CD34: variants seen among roughly 807,000 people sequenced by gnomAD.
CD34 encodes the protein hematopoietic progenitor cell antigen CD34.
Under a neutral mutation model 40.1 loss-of-function variants are expected in CD34, and 34 were observed. The ratio of observed to expected loss-of-function variants is 0.85; its 90% CI spans 0.65 to 1.13. The LOEUF (loss-of-function observed/expected upper bound fraction) is 1.13. Ranked by LOEUF, CD34 falls within the 50% of genes most tolerant of loss-of-function variation. The probability of loss-of-function intolerance (pLI) is 0.00; values close to 1 mark genes in which losing one functional copy is unlikely to be tolerated. For missense variants in CD34, 426 were observed against 466.9 expected, an observed-to-expected ratio of 0.91 and a Z score of 0.81; for synonymous variants, 209 against 190.0, an observed-to-expected ratio of 1.10 and a Z score of -0.82.
At position 207,882,669 on chromosome 1, in the gene CD34, C is replaced by T. The variant is rs1269585885; in HGVS notation, c.*5069G>A. 1 of 152,188 alleles carries T rather than the reference C, an allele frequency of 6.6e-6. No individual in the cohort carries two copies. Among genetic ancestry groups the T allele is most frequent in the Non-Finnish European group, 1.5e-5 (1 of 68,038 alleles). 9.4% of individuals were successfully genotyped at this position (152,188 alleles called of 1,614,324 possible). On this transcript the variant is annotated 3_prime_UTR_variant, in exon 8 of 8. Coordinates refer to ENST00000310833, the MANE Select transcript of CD34 (RefSeq NM_001025109.2). ...AGAAGGTATAAAGAAGAATCACATG[C>T]TTTGCTTGAGCCTTAAAAGAATCAC...
rs1662239636 is a variant in CD34, at chr1:207,899,911, A to G, written c.172T>C (p.Tyr58His). Reference protein sequence around the residue: ...TFSNVSTNVSYQETTTPSTLG... With the variant: ...TFSNVSTNVSHQETTTPSTLG... Reference sequence around the variant, plus strand: ...GTACTAGGTGTTGTAGTTTCTTGGTAGGATACATTTGTAGAAACATTTGAA... The same window carrying G: ...GTACTAGGTGTTGTAGTTTCTTGGTGGGATACATTTGTAGAAACATTTGAA... Residue 58 changes from tyrosine to histidine, a missense_variant, in exon 2 of 8, where the codon TAC becomes CAC. Physicochemically the swap from Tyr to His is moderately conservative, Grantham distance 83. Transcript: ENST00000310833. The G allele has an allele frequency of 6.2e-7, 1 of 1,614,074 alleles. No homozygotes were observed. Among genetic ancestry groups the G allele is most frequent in the Non-Finnish European group, 8.5e-7 (1 of 1,179,952 alleles).
intron 3 of CD34, among the ~76,000 whole-genome samples, chr1:207,898,002 C>T (rs1662185293): frequency 6.6e-6 from 1 of 151,918 alleles, no homozygotes; most frequent in African/African-American, 2.4e-5. Context: ...TCCTGGCCTC[C>T]AGGACTCTCC....
Position 207,883,594 on chromosome 1 carries a change from G to A in CD34, c.*4144C>T, listed in dbSNP as rs1271803492. 6.6e-6 allele frequency: 1 copy of A among 152,116 alleles called. No individual in the cohort carries two copies. The highest frequency in any genetic ancestry group is 1.5e-5 in the Non-Finnish European group (1 of 68,028). The allele number at this position is 152,116 out of a possible 1,614,324, so 9.4% of individuals were successfully genotyped here. On this transcript the variant is annotated 3_prime_UTR_variant, in exon 8 of 8. Transcript: ENST00000310833. Reference sequence around the variant, plus strand: ...GTAACACAGTCCCTTGTTATTCTCTGAGTTTCAGTTTCTTTTTCTGAGATA... The same window carrying A: ...GTAACACAGTCCCTTGTTATTCTCTAAGTTTCAGTTTCTTTTTCTGAGATA...
At chr1:207,899,742 G>A (rs1487777359) in intron 2 of CD34, 79 bp downstream of exon 2, 19 of 1,272,818 alleles carry the variant, frequency 1.5e-5, no homozygotes, top group Non-Finnish European at 2.0e-5. Context: ...GGAGAGGGGA[G>A]CGGTCTGAAA....
Position 207,897,559 on chromosome 1 carries a change from A to G in CD34, c.531T>C (p.Cys177=), listed in dbSNP as rs1395180309. 1 of 1,555,340 alleles carries G rather than the reference A, an allele frequency of 6.4e-7. No individual in the cohort carries two copies. Among genetic ancestry groups the G allele is most frequent in the Non-Finnish European group, 8.7e-7 (1 of 1,148,088 alleles). Residue 177 remains cysteine (C), a synonymous_variant, in exon 4 of 8, where the codon TGT becomes TGC. Transcript: ENST00000310833. ...TCAATTTCACTTCTCTGATGCCTGA[A>G]CATTTGATTTCTGCCTGTATTAAAA... The part of the protein sequence containing the change: ...ILSDIKAEIK[C]SGIREVKLTQ...
chr1:207,905,724 T>G (rs1662362831), intron 1 of CD34, among the ~76,000 whole-genome samples: 1 of 152,210 alleles, frequency 6.6e-6, no homozygotes, highest in Admixed American at 6.5e-5. Context: ...AGTGGAAGAT[T>G]CCACACCTGA....
intron 1 of CD34, among the ~76,000 whole-genome samples, chr1:207,903,226 T>A (rs1662312776): frequency 6.6e-6 from 1 of 152,136 alleles, no homozygotes; most frequent in Non-Finnish European, 1.5e-5. Context: ...TGACCACAGA[T>A]CTCTTTTTAT....
chr1:207,902,549 A>G lies in CD34; in HGVS notation c.80-2546T>C, dbSNP rs1883742. 0.016 allele frequency among the ~76,000 whole-genome samples: 2,398 copies of G among 152,218 alleles called. 148 individuals are homozygous for G. In the East Asian group the frequency reaches 0.21, roughly 14 times the overall value. On this transcript the variant is annotated intron_variant, in intron 1 of 7. Transcript: ENST00000310833. ...TATTCAGACACTGAATTAAAGGATC[A>G]CCTTCTCAAGACACCATTCCAAGAC...
rs1471712158 is a variant in CD34 at position 207,884,271 on chromosome 1, C to A, written c.*3467G>T. ...GTAACCACCATATGTAAAATACCAA[C>A]CATTATTCTCAATATATTTTATGTT... On this transcript the variant is annotated 3_prime_UTR_variant, in exon 8 of 8. Coordinates refer to ENST00000310833, the MANE Select transcript of CD34 (RefSeq NM_001025109.2). The A allele has an allele frequency of 6.6e-6, 1 of 152,254 alleles. No homozygotes were observed. The highest frequency in any genetic ancestry group is 1.9e-4 in the East Asian group (1 of 5,204). The allele number at this position is 152,254 out of a possible 1,614,324, so 9.4% of individuals were successfully genotyped here.
intron 6 of CD34, 36 bp downstream of exon 6, chr1:207,889,125 C>G: frequency 8.7e-5 from 111 of 1,283,008 alleles, no homozygotes; most frequent in Non-Finnish European, 1.1e-4. Flanking sequence ...CCTGCCCCGG[C>G]ATTCCCTCTC....
chr1:207,887,706 G>A lies in CD34; in HGVS notation c.*32C>T, dbSNP rs753276797. The A allele has an allele frequency of 5.0e-6, 8 of 1,613,478 alleles. No homozygotes were observed. In the Admixed American group the frequency reaches 1.3e-4, roughly 27 times the overall value. On this transcript the variant is annotated 3_prime_UTR_variant, in exon 8 of 8. Coordinates refer to ENST00000310833, the MANE Select transcript of CD34 (RefSeq NM_001025109.2). ...AGATGCAGAGAGGGGTGCTCTCTCG[G>A]ACACTGCCCAGCCTTGCCCCACCTA... is the stretch of plus-strand genomic sequence containing the variant.
In CD34 at chr1:207,904,326, T is replaced by A. The variant is rs561963685; in HGVS notation, c.80-4323A>T. ...AGGAGTTCCTGGGAATCTTAGTCCA[T>A]AGAGTTACAGAACTAGGATGAAGGG... On this transcript the variant is annotated intron_variant, in intron 1 of 7. Coordinates refer to ENST00000310833, the MANE Select transcript of CD34 (RefSeq NM_001025109.2). Among the ~76,000 whole-genome samples, 3 of 152,282 alleles carry A rather than the reference T, an allele frequency of 2.0e-5. No homozygotes were observed. In the East Asian group the frequency reaches 5.8e-4, roughly 29 times the overall value.
intron 1 of CD34, among the ~76,000 whole-genome samples, chr1:207,901,779 C>T (rs529033287): frequency 2.4e-4 from 36 of 152,290 alleles, no homozygotes; most frequent in Admixed American, 1.8e-3. Flanking sequence ...GTACTCTTGC[C>T]TTGGGCCTTG....
rs1001689252 is a variant in CD34 at position 207,886,324 on chromosome 1, T to G, written c.*1414A>C. 3 of 152,232 alleles carry G rather than the reference T, an allele frequency of 2.0e-5. No homozygotes were observed. Among genetic ancestry groups the G allele is most frequent in the African/African-American group, 7.2e-5 (3 of 41,436 alleles). The allele number at this position is 152,232 out of a possible 1,614,324, so 9.4% of individuals were successfully genotyped here. On this transcript the variant is annotated 3_prime_UTR_variant, in exon 8 of 8. Coordinates refer to ENST00000310833, the MANE Select transcript of CD34 (RefSeq NM_001025109.2). ...ACATTCGGGTCTGCCTTTCTACCAC[T>G]GGAAATGGATGTTTCCTCTCCCCAT...
intron 1 of CD34, among the ~76,000 whole-genome samples, chr1:207,908,520 G>C (rs1189477090): frequency 6.6e-6 from 1 of 152,202 alleles, no homozygotes; most frequent in Admixed American, 6.5e-5. Flanking sequence ...TGTAGCCCTG[G>C]ACAGGATATG....
At chr1:207,904,386 G>A (rs1662337121) in intron 1 of CD34, among the ~76,000 whole-genome samples, 1 of 152,202 alleles carries the variant, frequency 6.6e-6, no homozygotes, top group Admixed American at 6.5e-5. Context: ...AGGCCGTTGG[G>A]AGCCACAGAC....
intron 3 of CD34, 43 bp downstream of exon 3, chr1:207,898,930 T>C (rs1420447761): frequency 6.2e-7 from 1 of 1,607,238 alleles, no homozygotes; most frequent in South Asian, 1.1e-5. Flanking sequence ...TGCATACATA[T>C]GAAGTGAGGG....
intron 6 of CD34, 26 bp downstream of exon 6, chr1:207,889,135 C>G (rs1173994641): frequency 7.2e-7 from 1 of 1,387,398 alleles, no homozygotes; most frequent in Non-Finnish European, 1.0e-6. Context: ...CATTCCCTCT[C>G]AGGCCCATCA....
At chr1:207,896,543 T>A (rs895497577) in intron 4 of CD34, among the ~76,000 whole-genome samples, 1 of 152,226 alleles carries the variant, frequency 6.6e-6, no homozygotes, top group African/African-American at 2.4e-5. Flanking sequence ...TTCAAAACTC[T>A]ATTAACTTTT....
Sources: gnomAD v4.1 joint callset for allele counts (sites outside exome capture counted in the v4.1 genomes callset) on GRCh38, gnomAD v4.1.1 for gene constraint, MANE v1.5 for transcripts, NCBI Gene and HGNC (gene_info 2026-07-23, HGNC 2026-07-21) for gene names.